GRIP1: variants seen among roughly 807,000 people sequenced by gnomAD.
GRIP1 encodes glutamate receptor-interacting protein 1.
A neutral mutation model predicts 129.9 loss-of-function variants in GRIP1; 45 were observed. That is an observed-to-expected ratio of 0.35 (90% confidence interval 0.27 to 0.44). GRIP1 has a LOEUF of 0.44. Among genes scored for constraint, GRIP1 ranks in the 20% least tolerant of loss-of-function variants. The pLI is 1.00. For missense variants in GRIP1, 1,196 were observed against 1,396.8 expected (o/e 0.86, Z 2.29); for synonymous variants, 530 against 520.8 (o/e 1.02, Z -0.24).
intron 1 of GRIP1, among the ~76,000 whole-genome samples, chr12:66,745,764 C>G (rs1307370962): frequency 1.3e-5 from 2 of 152,064 alleles, no homozygotes; most frequent in Non-Finnish European, 2.9e-5. Flanking sequence ...AAAGATAGTA[C>G]AGCGTACTAA....
At chr12:66,888,642 C>T (rs2040606322) in intron 1 of GRIP1, among the ~76,000 whole-genome samples, 1 of 152,206 alleles carries the variant, frequency 6.6e-6, no homozygotes, top group Non-Finnish European at 1.5e-5. Flanking sequence ...GAATTACAGG[C>T]ATGAGCCACC....
At position 66,936,819 on chromosome 12, in the gene GRIP1, C is replaced by G. The variant is rs116250415; in HGVS notation, c.58+132231G>C. Among the ~76,000 whole-genome samples the G allele has an allele frequency of 1.6e-3, 248 of 152,204 alleles. 1 individual carries two copies. Among genetic ancestry groups the G allele is most frequent in the African/African-American group, 5.3e-3 (219 of 41,516 alleles). Reference sequence around the variant, plus strand: ...CCAGGGTAACCACAAAATTAGCATGCGTATTCAGCATGAACAAAAAAATGG... The same window carrying G: ...CCAGGGTAACCACAAAATTAGCATGGGTATTCAGCATGAACAAAAAAATGG... On this transcript the variant is annotated intron_variant, in intron 1 of 1. Coordinates refer to the GRIP1 transcript ENST00000643019.
intron 1 of GRIP1, among the ~76,000 whole-genome samples, chr12:66,611,621 A>C (rs1450920991): frequency 6.6e-6 from 1 of 152,190 alleles, no homozygotes; most frequent in African/African-American, 2.4e-5. Flanking sequence ...GTCTATAAAA[A>C]TTAAAGATTG....
intron 1 of GRIP1, among the ~76,000 whole-genome samples, chr12:66,900,112 G>A (rs1309079701): frequency 1.3e-5 from 2 of 152,198 alleles, no homozygotes; most frequent in African/African-American, 4.8e-5. Context: ...AGAGATTGGT[G>A]AAGCAGGAAT....
At chr12:66,573,986 T>C (rs2063053425) in intron 2 of GRIP1, among the ~76,000 whole-genome samples, 1 of 152,352 alleles carries the variant, frequency 6.6e-6, no homozygotes, top group South Asian at 2.1e-4. Context: ...CCATATGAGC[T>C]GAAATATTTC....
At chr12:66,760,861 T>A (rs76575224) in intron 1 of GRIP1, among the ~76,000 whole-genome samples, 3 of 151,824 alleles carry the variant, frequency 2.0e-5, no homozygotes, top group Non-Finnish European at 4.4e-5. Flanking sequence ...TTTTTTTTTT[T>A]AATTCCCCAA....
rs2042630738 is a variant in GRIP1 at position 67,006,608 on chromosome 12, T to C, written c.58+62442A>G. On this transcript the variant is annotated intron_variant, in intron 1 of 1. Transcript: ENST00000643019. ...TCTCAAAAAAATAAAAAATAAACAT[T>C]TTAAAAGTCACATTGACAGCCTTCA... Among the ~76,000 whole-genome samples, 2 of 152,072 alleles carry C rather than the reference T, an allele frequency of 1.3e-5. 1 individual carries two copies. Among genetic ancestry groups the C allele is most frequent in the Middle Eastern group, 6.8e-3 (2 of 294 alleles).
chr12:66,919,660 T>C (rs1422925722), intron 1 of GRIP1, among the ~76,000 whole-genome samples: 1 of 152,128 alleles, frequency 6.6e-6, no homozygotes, highest in Non-Finnish European at 1.5e-5. Context: ...GGTTTGGGGC[T>C]TGACTTTTTT....
chr12:67,039,412 T>A (rs1422041447), intron 1 of GRIP1, among the ~76,000 whole-genome samples: 1 of 152,144 alleles, frequency 6.6e-6, no homozygotes, highest in Non-Finnish European at 1.5e-5. Flanking sequence ...AAAATAAATT[T>A]GTTTCAGATA....
chr12:66,968,652 C>T (rs1415727386), intron 1 of GRIP1, among the ~76,000 whole-genome samples: 1 of 152,144 alleles, frequency 6.6e-6, no homozygotes, highest in Non-Finnish European at 1.5e-5. Context: ...CAATTCCTCC[C>T]TCCAATCTCT....
intron 1 of GRIP1, among the ~76,000 whole-genome samples, chr12:66,922,362 C>T (rs920943583): frequency 2.0e-5 from 3 of 152,160 alleles, no homozygotes; most frequent in African/African-American, 7.2e-5. Context: ...ACTCCGTGTT[C>T]TCTGTCATCT....
intron 1 of GRIP1, among the ~76,000 whole-genome samples, chr12:66,675,745 C>T (rs776249952): frequency 2.2e-4 from 33 of 152,244 alleles, no homozygotes; most frequent in African/African-American, 6.5e-4. Context: ...AAGAAAAGAA[C>T]GGCATTGCTT....
At chr12:66,363,862 A>G (rs1335694121) in intron 23 of GRIP1, among the ~76,000 whole-genome samples, 1 of 152,194 alleles carries the variant, frequency 6.6e-6, no homozygotes, top group African/African-American at 2.4e-5. Context: ...AATGGGTACA[A>G]AGTTGGTTAG....
At chr12:66,949,052 A>G (rs949525733) in intron 1 of GRIP1, among the ~76,000 whole-genome samples, 1 of 152,200 alleles carries the variant, frequency 6.6e-6, no homozygotes, top group Non-Finnish European at 1.5e-5. Context: ...CTTACCTCCA[A>G]TTAGCCATTA....
intron 1 of GRIP1, among the ~76,000 whole-genome samples, chr12:66,759,357 G>C (rs575615284): frequency 6.6e-6 from 1 of 152,290 alleles, no homozygotes; most frequent in South Asian, 2.1e-4. Flanking sequence ...GGCAACCCTG[G>C]GCCCAGCCCT....
chr12:66,627,069 T>C (rs2030162524), intron 1 of GRIP1, among the ~76,000 whole-genome samples: 1 of 152,208 alleles, frequency 6.6e-6, no homozygotes, highest in Non-Finnish European at 1.5e-5. Context: ...CAAAGCATTA[T>C]GACAGCTGTA....
intron 2 of GRIP1, among the ~76,000 whole-genome samples, chr12:66,589,194 T>TC (rs2063757008): frequency 3.5e-4 from 33 of 95,614 alleles, no homozygotes; most frequent in East Asian, 9.7e-4. Context: ...CTCCCCCACC[T>TC]TCTCTCTCTC....
At chr12:66,478,774 C>G (rs2059704307) in intron 7 of GRIP1, among the ~76,000 whole-genome samples, 1 of 152,048 alleles carries the variant, frequency 6.6e-6, no homozygotes, top group Non-Finnish European at 1.5e-5. Flanking sequence ...CAAACTATCA[C>G]AAGGACAAAA....
intron 1 of GRIP1, among the ~76,000 whole-genome samples, chr12:66,816,909 T>C (rs2039228596): frequency 1.3e-5 from 2 of 152,162 alleles, no homozygotes. Context: ...TATTTTATAC[T>C]AGAGAACTGT....
Sources: gnomAD v4.1 joint callset for allele counts (sites outside exome capture counted in the v4.1 genomes callset) on GRCh38, gnomAD v4.1.1 for gene constraint, MANE v1.5 for transcripts, NCBI Gene and HGNC (gene_info 2026-07-23, HGNC 2026-07-21) for gene names.